Variants in ARAP2 observed in about 807,000 individuals in gnomAD.
The protein encoded by ARAP2 is ArfGAP with RhoGAP domain, ankyrin repeat and PH domain 2, also known as arf-GAP with Rho-GAP domain, ANK repeat and PH domain-containing protein 2.
In ARAP2, 148 loss-of-function variants were observed where a neutral mutation model predicts 194.5. That is an observed-to-expected ratio of 0.76 (90% CI 0.67 to 0.87). The LOEUF is 0.87. ARAP2 is among the 40% of genes least tolerant of loss of function. ARAP2 has a pLI of 0.00. For missense variants in ARAP2, 2,128 were observed against 1,989.7 expected (o/e 1.07, Z -1.32); for synonymous variants, 695 against 683.5 (o/e 1.02, Z -0.26).
intron 1 of ARAP2, among the ~76,000 whole-genome samples, chr4:36,242,966 G>A (rs1265351800): frequency 6.6e-6 from 1 of 152,052 alleles, no homozygotes; most frequent in African/African-American, 2.4e-5. Context: ...GAAGATATTT[G>A]CACTTAACCC....
chr4:36,027,821 T>A (rs1225215815), intron 5 of ARAP2, among the ~76,000 whole-genome samples: 1 of 152,146 alleles, frequency 6.6e-6, no homozygotes, highest in Non-Finnish European at 1.5e-5. Flanking sequence ...CAATAATTCC[T>A]TGTTAGAAAA....
rs373009190 is a variant in ARAP2, at chr4:36,228,679, T to C, written c.808A>G (p.Ser270Gly). The change falls in exon 2 of 33, where the codon AGT (serine) becomes GGT (glycine). Residue 270 changes from serine to glycine, a missense_variant. Coordinates refer to ENST00000303965, the MANE Select transcript of ARAP2 (RefSeq NM_015230.4). The stretch of plus-strand genomic sequence containing the variant: ...GGTCTTGAAACCAACTTGCTACGAC[T>C]TCTCACAGGTGCTAGGATTGGTGAT... ...PSSPILAPVRSRSKLVSRPSR... is the reference protein window; with the variant it reads ...PSSPILAPVRGRSKLVSRPSR... The C allele has an allele frequency of 1.1e-5, 17 of 1,613,974 alleles. No individual in the cohort carries two copies. In the African/African-American group the frequency reaches 2.0e-4, roughly 19 times the overall value.
chr4:36,189,212 T>C (rs1187238449), intron 7 of ARAP2, among the ~76,000 whole-genome samples: 1 of 152,216 alleles, frequency 6.6e-6, no homozygotes, highest in African/African-American at 2.4e-5. Context: ...CTTTTTACTT[T>C]ATCTTCTCTC....
At chr4:36,161,819 A>C (rs2109784003) in intron 11 of ARAP2, among the ~76,000 whole-genome samples, 1 of 112,428 alleles carries the variant, frequency 8.9e-6, no homozygotes, top group East Asian at 2.9e-4. Context: ...AAAAAAAAAA[A>C]ACTACACGGC....
chr4:36,022,887 C>T (rs952663390), intron 5 of ARAP2, among the ~76,000 whole-genome samples: 1 of 152,116 alleles, frequency 6.6e-6, no homozygotes, highest in African/African-American at 2.4e-5. Flanking sequence ...GTTCCCTATA[C>T]TATTGGTGTC....
chr4:36,227,958 C>T (rs1750683675), intron 2 of ARAP2, among the ~76,000 whole-genome samples: 1 of 152,114 alleles, frequency 6.6e-6, no homozygotes, highest in South Asian at 2.1e-4. Context: ...GTATAAGAAC[C>T]TACACTGGTA....
In ARAP2 at chr4:36,164,824, ATT is replaced by A. The variant is rs575458740; in HGVS notation, c.2173+88_2173+89del. 176 of 1,283,420 alleles carry A rather than the reference ATT, an allele frequency of 1.4e-4. No homozygotes were observed. The African/African-American group carries it at 2.3e-3, about 17-fold the overall frequency. The allele number at this position is 1,283,420 out of a possible 1,614,324, so 79.5% of individuals were successfully genotyped here. A position where few individuals can be genotyped will look rare whatever the true frequency, so the allele number is the denominator to read the frequency against. On this transcript the variant is annotated intron_variant, in intron 11 of 32. Coordinates refer to ENST00000303965, the MANE Select transcript of ARAP2 (RefSeq NM_015230.4). ...TTCTCTGGTTTTACTTCTCATAACC[ATT>A]AGCTAGGATATATAATATGCAACAA...
rs181102411 is a variant in ARAP2, at chr4:36,168,221, G to A, written c.1858-1174C>T. Among the ~76,000 whole-genome samples the A allele has an allele frequency of 2.2e-3, 329 of 152,272 alleles. 3 individuals carry two copies. The highest frequency in any genetic ancestry group is 4.0e-3 in the Non-Finnish European group (270 of 67,996). ...AGCAACTCCTGGTAGAATGGAAGAG[G>A]AGGGGCCGAAAAGCCTTAGAAGAAG... On this transcript the variant is annotated intron_variant, in intron 9 of 32. Transcript: ENST00000303965.
At chr4:36,008,946 A>G (rs181123455) in intron 9 of ARAP2, among the ~76,000 whole-genome samples, 1 of 152,308 alleles carries the variant, frequency 6.6e-6, no homozygotes. Context: ...ATATGAAAAA[A>G]TATTAATTGT....
rs1724578752 is a variant in ARAP2, at chr4:36,128,611, C to T, written c.3562G>A (p.Val1188Met). ...GKHQLEDVTAVLKSFLSDIDD... is the reference protein window; with the variant it reads ...GKHQLEDVTAMLKSFLSDIDD... ...ATGTCAGAGAGAAAACTTTTCAACA[C>T]AGCCGTCACATCTTCAAGCTGATGT... is the stretch of plus-strand genomic sequence containing the variant. The change falls in exon 21 of 33, where the codon GTG becomes ATG. Residue 1188 changes from valine to methionine, a missense_variant. Val to Met is a conservative substitution (Grantham distance 21). Coordinates refer to ENST00000303965, the MANE Select transcript of ARAP2 (RefSeq NM_015230.4). The T allele has an allele frequency of 1.2e-6, 2 of 1,613,040 alleles. No homozygotes were observed. Among genetic ancestry groups the T allele is most frequent in the African/African-American group, 2.7e-5 (2 of 74,894 alleles).
intron 8 of ARAP2, among the ~76,000 whole-genome samples, chr4:36,014,228 A>T (rs1417527744): frequency 7.2e-5 from 2 of 27,914 alleles, no homozygotes; most frequent in East Asian, 1.4e-3. Flanking sequence ...CCCTATCGAA[A>T]GAAAGAAAGA....
At chr4:36,186,991 C>T (rs531058463) in intron 8 of ARAP2, among the ~76,000 whole-genome samples, 4 of 152,328 alleles carry the variant, frequency 2.6e-5, no homozygotes, top group South Asian at 2.1e-4. Flanking sequence ...TCCCCACCAC[C>T]GGTTCATGGA....
chr4:36,120,309 AT>A (rs1454227736), intron 23 of ARAP2, among the ~76,000 whole-genome samples: 1 of 151,624 alleles, frequency 6.6e-6, no homozygotes, highest in Non-Finnish European at 1.5e-5. Flanking sequence ...TCTGGTGTCT[AT>A]TCCTATGTAA....
At chr4:36,034,237 A>G in intron 5 of ARAP2, among the ~76,000 whole-genome samples, 1 of 152,100 alleles carries the variant, frequency 6.6e-6, no homozygotes, top group East Asian at 1.9e-4. Flanking sequence ...TTTGGACAGT[A>G]TGGTCATTTG....
At chr4:36,132,589 A>G (rs1725690441) in intron 20 of ARAP2, among the ~76,000 whole-genome samples, 1 of 151,774 alleles carries the variant, frequency 6.6e-6, no homozygotes, top group Non-Finnish European at 1.5e-5. Context: ...AATAAACATG[A>G]AGAACAGAGG....
chr4:36,207,549 G>A (rs1745829000), intron 6 of ARAP2, among the ~76,000 whole-genome samples: 1 of 152,118 alleles, frequency 6.6e-6, no homozygotes. Flanking sequence ...CACATATTAG[G>A]CATTGATTCA....
intron 2 of ARAP2, among the ~76,000 whole-genome samples, chr4:36,218,441 A>C (rs192032133): frequency 6.7e-6 from 1 of 150,328 alleles, no homozygotes; most frequent in Non-Finnish European, 1.5e-5. Flanking sequence ...CTAAAATATT[A>C]AAAAAAAAAC....
chr4:36,101,342 T>C (rs958329159), intron 27 of ARAP2, among the ~76,000 whole-genome samples: 1 of 151,662 alleles, frequency 6.6e-6, no homozygotes, highest in African/African-American at 2.4e-5. Flanking sequence ...TTATAAATAG[T>C]TAAATTATAA....
Position 36,160,603 on chromosome 4 carries a change from A to C in ARAP2, c.2298T>G (p.Phe766Leu), listed in dbSNP as rs771494295. The C allele has an allele frequency of 2.7e-6, 4 of 1,500,208 alleles. No homozygotes were observed. Among genetic ancestry groups the C allele is most frequent in the Non-Finnish European group, 3.5e-6 (4 of 1,135,424 alleles). The allele number at this position is 1,500,208 out of a possible 1,614,324, so 92.9% of individuals were successfully genotyped here. A position where few individuals can be genotyped will look rare whatever the true frequency, so the allele number is the denominator to read the frequency against. The change falls in exon 13 of 33, where the codon TTT (phenylalanine) becomes TTG (leucine). Residue 766 changes from phenylalanine to leucine, a missense_variant. Phe to Leu is a conservative substitution (Grantham distance 22). Transcript: ENST00000303965. ...CATCCTTTTGAAGATTACCAGCCCA[A>C]AAGTCATTTGCTCTTTTGTTTCCAA... ...IVIGNKRAND[F>L]WAGNLQKDEE...
Sources: gnomAD v4.1 joint callset for allele counts (sites outside exome capture counted in the v4.1 genomes callset) on GRCh38, gnomAD v4.1.1 for gene constraint, MANE v1.5 for transcripts, NCBI Gene and HGNC (gene_info 2026-07-23, HGNC 2026-07-21) for gene names.